Variants in RBFOX1 observed in about 807,000 individuals in gnomAD.
RBFOX1 encodes RNA binding fox-1 homolog 1, also known as RNA binding protein fox-1 homolog 1.
A neutral mutation model predicts 57.7 loss-of-function variants in RBFOX1; 8 were observed. The observed-to-expected ratio is 0.14, with a 90% CI of 0.08 to 0.25. The LOEUF is 0.25. Among genes scored for constraint, RBFOX1 ranks in the 10% least tolerant of loss-of-function variants. The probability of loss-of-function intolerance (pLI) is 1.00; values close to 1 mark genes in which losing one functional copy is unlikely to be tolerated. For synonymous variants in RBFOX1, 326 were observed against 222.4 expected, an observed-to-expected ratio of 1.47 and a Z score of -4.15; for missense variants, 611 against 548.5, an observed-to-expected ratio of 1.11 and a Z score of -1.14.
rs147848975 is a variant in RBFOX1, at chr16:6,499,009, T to A, written c.-63-155594T>A. 5.9e-3 allele frequency among the ~76,000 whole-genome samples: 898 copies of A among 152,342 alleles called. 4 individuals are homozygous for A. Among genetic ancestry groups the A allele is most frequent in the Middle Eastern group, 0.048 (14 of 294 alleles). On this transcript the variant is annotated intron_variant, in intron 2 of 15. Coordinates refer to ENST00000550418, the MANE Select transcript of RBFOX1 (RefSeq NM_018723.4). ...TTAATGCAACAGTGAAAATAAATTATTACCATTCTATGATTGTGTGACAGG... is the reference window on the plus strand; with the variant it reads ...TTAATGCAACAGTGAAAATAAATTAATACCATTCTATGATTGTGTGACAGG...
At chr16:6,588,526 A>T (rs1210941576) in intron 2 of RBFOX1, among the ~76,000 whole-genome samples, 1 of 151,264 alleles carries the variant, frequency 6.6e-6, no homozygotes, top group East Asian at 2.0e-4. Context: ...GGTGGTGCAC[A>T]CCCGTAACTC....
chr16:6,827,976 C>T (rs555390917), intron 3 of RBFOX1, among the ~76,000 whole-genome samples: 1 of 152,172 alleles, frequency 6.6e-6, no homozygotes, highest in Non-Finnish European at 1.5e-5. Context: ...CTGTAGGGGA[C>T]AAATCTTGTC....
At chr16:6,713,160 A>G (rs1171203128) in intron 3 of RBFOX1, among the ~76,000 whole-genome samples, 1 of 151,964 alleles carries the variant, frequency 6.6e-6, no homozygotes. Flanking sequence ...TAATATGCCA[A>G]TCTTTTGTTC....
intron 4 of RBFOX1, among the ~76,000 whole-genome samples, chr16:7,236,544 T>C (rs2093776930): frequency 1.3e-5 from 2 of 152,310 alleles, no homozygotes; most frequent in Non-Finnish European, 2.9e-5. Context: ...TCCCCATCTG[T>C]TTTGGTAATT....
intron 2 of RBFOX1, among the ~76,000 whole-genome samples, chr16:6,455,844 C>G (rs983874396): frequency 2.0e-5 from 3 of 152,014 alleles, no homozygotes; most frequent in African/African-American, 7.2e-5. Context: ...TTCAATAAAC[C>G]ATGAGATTAT....
intron 3 of RBFOX1, among the ~76,000 whole-genome samples, chr16:5,713,731 A>G (rs750638684): frequency 4.6e-5 from 7 of 152,214 alleles, no homozygotes; most frequent in Non-Finnish European, 7.3e-5. Context: ...TGCCCACAGC[A>G]TCACAGAGAG....
intron 3 of RBFOX1, among the ~76,000 whole-genome samples, chr16:5,782,422 T>G (rs576527184): frequency 6.6e-6 from 1 of 152,126 alleles, no homozygotes; most frequent in Admixed American, 6.5e-5. Flanking sequence ...ATTAATGCAT[T>G]TGAGAGGGCA....
intron 2 of RBFOX1, among the ~76,000 whole-genome samples, chr16:6,551,605 C>T (rs920739640): frequency 6.6e-6 from 1 of 152,050 alleles, no homozygotes; most frequent in South Asian, 2.1e-4. Context: ...AGGGGAGGTG[C>T]TTGGTGTTAA....
chr16:6,436,663 T>C (rs2094244699), intron 2 of RBFOX1, among the ~76,000 whole-genome samples: 1 of 152,090 alleles, frequency 6.6e-6, no homozygotes, highest in South Asian at 2.1e-4. Flanking sequence ...TTGTTGATGA[T>C]TTTTCTGTCA....
Position 6,989,948 on chromosome 16 carries a change from C to G in RBFOX1, c.-15-62109C>G, listed in dbSNP as rs568179810. Among the ~76,000 whole-genome samples the G allele has an allele frequency of 3.3e-5, 5 of 152,238 alleles. No homozygotes were observed. In the South Asian group the frequency reaches 8.3e-4, roughly 25 times the overall value. The stretch of plus-strand genomic sequence containing the variant: ...TTCAGGAGGCAGAAGTTGCAGTGAA[C>G]TGAGACCGCACCACCGCACTCCAGC... On this transcript the variant is annotated intron_variant, in intron 3 of 15. Transcript: ENST00000550418.
At chr16:7,524,368 A>C (rs1361392391) in intron 5 of RBFOX1, among the ~76,000 whole-genome samples, 1 of 152,180 alleles carries the variant, frequency 6.6e-6, no homozygotes, top group Non-Finnish European at 1.5e-5. Context: ...GAGTCCCTGC[A>C]GGCCTTTTTT....
At chr16:6,120,976 T>G (rs981342694) in intron 1 of RBFOX1, among the ~76,000 whole-genome samples, 11 of 152,234 alleles carry the variant, frequency 7.2e-5, no homozygotes, top group Admixed American at 2.0e-4. Flanking sequence ...TTTCTATTAT[T>G]TCCTAGAGTT....
chr16:6,959,618 C>T (rs1262125291), intron 3 of RBFOX1, among the ~76,000 whole-genome samples: 1 of 152,144 alleles, frequency 6.6e-6, no homozygotes, highest in South Asian at 2.1e-4. Context: ...ACTGTTCCAG[C>T]ACTGACTGAG....
chr16:5,492,443 C>T (rs942164166), intron 2 of RBFOX1, among the ~76,000 whole-genome samples: 1 of 152,156 alleles, frequency 6.6e-6, no homozygotes, highest in African/African-American at 2.4e-5. Context: ...CAATCACAAA[C>T]CGCGATGAGT....
At chr16:7,641,546 A>T (rs543954667) in intron 11 of RBFOX1, among the ~76,000 whole-genome samples, 1 of 152,294 alleles carries the variant, frequency 6.6e-6, no homozygotes, top group East Asian at 1.9e-4. Flanking sequence ...CTTGATGCCT[A>T]ATACTTTTCA....
intron 4 of RBFOX1, among the ~76,000 whole-genome samples, chr16:7,172,641 A>G (rs1162139457): frequency 6.6e-6 from 1 of 152,232 alleles, no homozygotes; most frequent in East Asian, 1.9e-4. Context: ...GGGAACACAC[A>G]TCATGCCAAG....
chr16:6,962,432 T>C (rs1176504430), intron 3 of RBFOX1, among the ~76,000 whole-genome samples: 1 of 152,164 alleles, frequency 6.6e-6, no homozygotes, highest in African/African-American at 2.4e-5. Flanking sequence ...TGTGCAACTT[T>C]TTCTGTTACA....
At chr16:5,274,984 G>C (rs1326197522) in intron 1 of RBFOX1, among the ~76,000 whole-genome samples, 1 of 152,208 alleles carries the variant, frequency 6.6e-6, no homozygotes, top group Non-Finnish European at 1.5e-5. Flanking sequence ...GATAGCTGAT[G>C]CGAAGCTTGG....
intron 4 of RBFOX1, among the ~76,000 whole-genome samples, chr16:7,170,685 C>G (rs1172566484): frequency 2.0e-5 from 3 of 151,430 alleles, no homozygotes; most frequent in Admixed American, 2.0e-4. Context: ...GTTTTGTTTT[C>G]TTTGGGTTTG....
Sources: allele counts gnomAD v4.1 joint callset (sites outside exome capture counted in the v4.1 genomes callset), GRCh38; gene constraint gnomAD v4.1.1; transcripts MANE v1.5; gene names NCBI Gene and HGNC (gene_info 2026-07-23, HGNC 2026-07-21).